Variants in CYB5R4 observed in about 807,000 individuals in gnomAD.
The protein encoded by CYB5R4 is cytochrome b5 reductase 4.
A neutral mutation model predicts 70.2 loss-of-function variants in CYB5R4; 55 were observed. The ratio of observed to expected loss-of-function variants is 0.78; its 90% CI spans 0.63 to 0.98. The LOEUF is 0.98. Among genes scored for constraint, CYB5R4 ranks in the 50% least tolerant of loss-of-function variants. CYB5R4 has a pLI of 0.00. For synonymous variants in CYB5R4, 197 were observed against 199.5 expected, an observed-to-expected ratio of 0.99 and a Z score of 0.11; for missense variants, 562 against 612.6, an observed-to-expected ratio of 0.92 and a Z score of 0.87.
intron 2 of CYB5R4, among the ~76,000 whole-genome samples, chr6:83,881,212 T>C (rs1374825772): frequency 6.6e-6 from 1 of 152,054 alleles, no homozygotes; most frequent in Non-Finnish European, 1.5e-5. Flanking sequence ...TCTTGCTCTG[T>C]TACCCAGGCT....
At chr6:83,919,298 G>T (rs1450460960) in intron 6 of CYB5R4, 99 bp from the exon 7 acceptor site, 88 of 655,760 alleles carry the variant, frequency 1.3e-4, no homozygotes, top group Non-Finnish European at 2.5e-6. Context: ...GAGAAATACA[G>T]ATATGTCTCA....
In CYB5R4 at chr6:83,934,700, T is replaced by G; in HGVS notation, c.920T>G (p.Ile307Ser). 6.2e-7 allele frequency: 1 copy of G among 1,613,572 alleles called. No individual in the cohort carries two copies. The highest frequency in any genetic ancestry group is 8.5e-7 in the Non-Finnish European group (1 of 1,179,664). The change falls in exon 11 of 16, where the codon ATT (isoleucine) becomes AGT (serine). Residue 307 changes from isoleucine (I) to serine (S), a missense_variant. Physicochemically the swap from Ile to Ser is moderately radical, Grantham distance 142 (BLOSUM62 -2). Coordinates refer to ENST00000369681, the MANE Select transcript of CYB5R4 (RefSeq NM_016230.4). ...LPPSTHLQVP[I>S]GQHVYLKLPI... ...CCAAGCACTCATCTTCAAGTGCCCATTGGGCAACATGTTTACCTCAAGCTA... is the reference window on the plus strand; with the variant it reads ...CCAAGCACTCATCTTCAAGTGCCCAGTGGGCAACATGTTTACCTCAAGCTA...
chr6:83,906,977 TAAG>T (rs535596338), intron 3 of CYB5R4, among the ~76,000 whole-genome samples: 10 of 152,234 alleles, frequency 6.6e-5, no homozygotes, highest in Non-Finnish European at 1.5e-4. Context: ...TTTGCTAATT[TAAG>T]TAGTGCTGTG....
Position 83,949,004 on chromosome 6 carries a change from CT to C in CYB5R4, c.1347-6291del, listed in dbSNP as rs2099471115. ...TCTCCCTTGCTGGCTTGGGTGTGCT[CT>C]TTCTCTCTCCTCCCTAACCTCTTTC... On this transcript the variant is annotated intron_variant, in intron 14 of 15. Transcript: ENST00000369681. Among the ~76,000 whole-genome samples the C allele has an allele frequency of 2.0e-5, 3 of 151,962 alleles. No homozygotes were observed. In the South Asian group the frequency reaches 6.2e-4, roughly 32 times the overall value.
At chr6:83,944,854 T>C (rs1300209312) in intron 14 of CYB5R4, among the ~76,000 whole-genome samples, 2 of 151,834 alleles carry the variant, frequency 1.3e-5, no homozygotes, top group Admixed American at 6.6e-5. Context: ...TACATAATGC[T>C]AAAGGGATTA....
chr6:83,957,853 T>A (rs547029360), intron 15 of CYB5R4, among the ~76,000 whole-genome samples: 17 of 152,154 alleles, frequency 1.1e-4, no homozygotes, highest in Non-Finnish European at 2.1e-4. Flanking sequence ...AAATTCATAG[T>A]AGCTGCCCTT....
chr6:83,927,337 T>C (rs2099467457), intron 10 of CYB5R4, among the ~76,000 whole-genome samples: 1 of 152,172 alleles, frequency 6.6e-6, no homozygotes, highest in African/African-American at 2.4e-5. Context: ...ATCCTACAAT[T>C]TAACTCAAGT....
intron 13 of CYB5R4, 53 bp from the exon 14 acceptor site, chr6:83,940,462 A>T (rs2099469573): frequency 6.8e-7 from 1 of 1,466,474 alleles, no homozygotes; most frequent in Non-Finnish European, 9.1e-7. Flanking sequence ...CCATTTGTGC[A>T]TATTTTAAAT....
chr6:83,905,861 G>A (rs1238157634), intron 3 of CYB5R4, among the ~76,000 whole-genome samples: 5 of 152,118 alleles, frequency 3.3e-5, no homozygotes, highest in Non-Finnish European at 7.4e-5. Context: ...GGGCTGCGCA[G>A]GCCAGTCTCT....
intron 4 of CYB5R4, 42 bp downstream of exon 4, chr6:83,909,132 A>G (rs2099464276): frequency 2.0e-6 from 3 of 1,538,056 alleles, no homozygotes; most frequent in Admixed American, 1.7e-5. Context: ...TGTGTGGTGC[A>G]CATGTATTTT....
chr6:83,940,015 G>GTTTTTTTT (rs370968292), intron 12 of CYB5R4, 41 bp from the exon 13 acceptor site: 3 of 1,159,246 alleles, frequency 2.6e-6, no homozygotes, highest in Admixed American at 2.8e-5. Flanking sequence ...TTTGTTTTTT[G>GTTTTTTTT]TTTTTTTTTT....
chr6:83,913,406 G>A (rs1042709362), intron 4 of CYB5R4, among the ~76,000 whole-genome samples: 1 of 152,192 alleles, frequency 6.6e-6, no homozygotes. Flanking sequence ...TTTTACTGGA[G>A]TGGTAGATTT....
At chr6:83,881,522 C>G (rs924794435) in intron 2 of CYB5R4, among the ~76,000 whole-genome samples, 1 of 152,196 alleles carries the variant, frequency 6.6e-6, no homozygotes, top group African/African-American at 2.4e-5. Flanking sequence ...TACACTATGA[C>G]TTTCGGAGCT....
At position 83,958,191 on chromosome 6, in the gene CYB5R4, A is replaced by G. The variant is rs952768371; in HGVS notation, c.1512-1633A>G. ...AAATACAGATAAGCAGCTTATCATTACTTGGCCAATAATGGTTCTTTATCC... is the reference window on the plus strand; with the variant it reads ...AAATACAGATAAGCAGCTTATCATTGCTTGGCCAATAATGGTTCTTTATCC... On this transcript the variant is annotated intron_variant, in intron 15 of 15. Transcript: ENST00000369681. Among the ~76,000 whole-genome samples the G allele has an allele frequency of 2.0e-5, 3 of 152,198 alleles. No homozygotes were observed. The South Asian group carries it at 6.2e-4, about 31-fold the overall frequency.
intron 10 of CYB5R4, among the ~76,000 whole-genome samples, chr6:83,932,490 T>C (rs2099468307): frequency 6.6e-6 from 1 of 152,166 alleles, no homozygotes; most frequent in Non-Finnish European, 1.5e-5. Context: ...CTAGATTTTA[T>C]TAGAAGAAAA....
chr6:83,861,945 T>A (rs1409477699), intron 1 of CYB5R4, among the ~76,000 whole-genome samples: 1 of 152,252 alleles, frequency 6.6e-6, no homozygotes, highest in Admixed American at 6.5e-5. Flanking sequence ...AAAATTAGTT[T>A]CGTTGTACAT....
At chr6:83,908,908 G>A in intron 3 of CYB5R4, 101 bp from the exon 4 acceptor site, 1 of 840,688 alleles carries the variant, frequency 1.2e-6, no homozygotes, top group Non-Finnish European at 2.0e-6. Flanking sequence ...TTAGGTGTGT[G>A]TTGAGAGTGG....
chr6:83,922,534 G>A (rs1449166489), intron 9 of CYB5R4, 64 bp downstream of exon 9: 4 of 1,180,424 alleles, frequency 3.4e-6, no homozygotes, highest in Admixed American at 4.4e-5. Flanking sequence ...CAGAGAGAGA[G>A]ATACGAAAAA....
At chr6:83,944,573 T>A (rs1306017301) in intron 14 of CYB5R4, among the ~76,000 whole-genome samples, 2 of 152,148 alleles carry the variant, frequency 1.3e-5, no homozygotes, top group African/African-American at 4.8e-5. Flanking sequence ...AGGATCAAAT[T>A]CACACATAAC....
Sources: gnomAD v4.1 joint callset for allele counts (sites outside exome capture counted in the v4.1 genomes callset) on GRCh38, gnomAD v4.1.1 for gene constraint, MANE v1.5 for transcripts, NCBI Gene and HGNC (gene_info 2026-07-23, HGNC 2026-07-21) for gene names.